The following RASSF6 variants were observed in gnomAD, a reference collection of about 807,000 sequenced individuals.
RASSF6 encodes ras association domain-containing protein 6.
In RASSF6, 52 loss-of-function variants were observed where a neutral mutation model predicts 44.0. That is an observed-to-expected ratio of 1.18 (90% confidence interval 0.95 to 1.49). RASSF6 has a LOEUF of 1.49. Ranked by LOEUF, RASSF6 falls within the 40% of genes most tolerant of loss-of-function variation. The probability of loss-of-function intolerance (pLI) is 0.00; values close to 1 mark genes in which losing one functional copy is unlikely to be tolerated. For synonymous variants in RASSF6, 162 were observed against 124.6 expected (o/e 1.30, Z -2.00); for missense variants, 464 against 393.3 (o/e 1.18, Z -1.52).
At chr4:73,586,915 A>G (rs1724138645) in intron 5 of RASSF6, among the ~76,000 whole-genome samples, 1 of 151,556 alleles carries the variant, frequency 6.6e-6, no homozygotes, top group East Asian at 1.9e-4. Flanking sequence ...TGATTTGAAA[A>G]AAAAAAAAAG....
Position 73,587,837 on chromosome 4 carries a change from G to A in RASSF6, c.382+3C>T, listed in dbSNP as rs1473496106. 1.3e-6 allele frequency: 2 copies of A among 1,590,128 alleles called. No homozygotes were observed. The highest frequency in any genetic ancestry group is 1.1e-5 in the South Asian group (1 of 90,186). ...TCCCAATCAATAAGATTTTGATACT[G>A]ACCTTCCTGGGAATTCCTTTTTTCA... On this transcript the variant is annotated splice_donor_region_variant and intron_variant, in intron 5 of 10. Transcript: ENST00000307439.
Position 73,575,727 on chromosome 4 carries a change from C to A in RASSF6, c.*508G>T, listed in dbSNP as rs1396774960. 3.3e-5 allele frequency: 5 copies of A among 152,160 alleles called. No individual in the cohort carries two copies. Among genetic ancestry groups the A allele is most frequent in the African/African-American group, 1.2e-4 (5 of 41,422 alleles). The allele number at this position is 152,160 out of a possible 1,614,324, so 9.4% of individuals were successfully genotyped here. On this transcript the variant is annotated 3_prime_UTR_variant, in exon 11 of 11. Coordinates refer to ENST00000307439, the MANE Select transcript of RASSF6 (RefSeq NM_177532.5). The stretch of plus-strand genomic sequence containing the variant: ...GATGTTACAGATAGTCAGAAGTCAA[C>A]AGGCCATTTAAGATAGTCCTAGATT...
At chr4:73,608,571 C>T (rs1178963130) in intron 2 of RASSF6, among the ~76,000 whole-genome samples, 3 of 152,122 alleles carry the variant, frequency 2.0e-5, no homozygotes, top group African/African-American at 7.2e-5. Flanking sequence ...TAAAAACAAT[C>T]CCCATGTGGA....
intron 4 of RASSF6, among the ~76,000 whole-genome samples, chr4:73,589,333 C>A (rs1410090045): frequency 6.6e-6 from 1 of 152,132 alleles, no homozygotes; most frequent in Non-Finnish European, 1.5e-5. Flanking sequence ...TTCCCCAAAT[C>A]TATAGCAGCT....
At chr4:73,607,249 G>A (rs1249368169) in intron 2 of RASSF6, among the ~76,000 whole-genome samples, 1 of 152,168 alleles carries the variant, frequency 6.6e-6, no homozygotes, top group African/African-American at 2.4e-5. Flanking sequence ...CCCCCACACC[G>A]TTATGGCAGG....
chr4:73,590,943 T>C (rs1724499066), intron 4 of RASSF6, among the ~76,000 whole-genome samples: 1 of 152,206 alleles, frequency 6.6e-6, no homozygotes, highest in African/African-American at 2.4e-5. Flanking sequence ...AGCAGGTGTA[T>C]CATGAGGATA....
chr4:73,584,663 C>G (rs1723933248), intron 6 of RASSF6, among the ~76,000 whole-genome samples: 1 of 152,120 alleles, frequency 6.6e-6, no homozygotes, highest in South Asian at 2.1e-4. Context: ...GTCCTTTGAT[C>G]CAACCACTTT....
At chr4:73,580,317 A>G (rs1257637681) in intron 8 of RASSF6, among the ~76,000 whole-genome samples, 7 of 150,524 alleles carry the variant, frequency 4.7e-5, no homozygotes, top group African/African-American at 1.5e-4. Flanking sequence ...ATTGTGAATA[A>G]TGCCGCAATA....
At chr4:73,591,854 G>A (rs550683669) in intron 4 of RASSF6, among the ~76,000 whole-genome samples, 116 of 152,134 alleles carry the variant, frequency 7.6e-4, no homozygotes, top group Middle Eastern at 6.8e-3. Context: ...TTGGGCACTG[G>A]GATGAATAAA....
At chr4:73,592,949 G>C (rs1724659746) in intron 4 of RASSF6, among the ~76,000 whole-genome samples, 1 of 151,882 alleles carries the variant, frequency 6.6e-6, no homozygotes, top group Non-Finnish European at 1.5e-5. Flanking sequence ...TCGTAATTGG[G>C]GATCTTGCAC....
chr4:73,579,026 C>A (rs1337675852), intron 8 of RASSF6, among the ~76,000 whole-genome samples: 1 of 152,090 alleles, frequency 6.6e-6, no homozygotes, highest in African/African-American at 2.4e-5. Context: ...ACCATATATA[C>A]CACATACTTA....
At chr4:73,607,447 G>C (rs1725717370) in intron 2 of RASSF6, among the ~76,000 whole-genome samples, 1 of 152,194 alleles carries the variant, frequency 6.6e-6, no homozygotes, top group Admixed American at 6.5e-5. Flanking sequence ...CCTGAACTTT[G>C]ATAGCTCCTT....
rs145675275 is a variant in RASSF6, at chr4:73,586,500, C to T, written c.383-1136G>A. ...GAAGATTCAAACCTGCCTTCTGCCC[C>T]CCTTTCTGCTTGTATACAATTGATA... On this transcript the variant is annotated intron_variant, in intron 5 of 10. Coordinates refer to ENST00000307439, the MANE Select transcript of RASSF6 (RefSeq NM_177532.5). Among the ~76,000 whole-genome samples the T allele has an allele frequency of 5.1e-3, 769 of 151,988 alleles. 11 individuals carry two copies. The highest frequency in any genetic ancestry group is 0.017 in the African/African-American group (708 of 41,476).
chr4:73,581,982 A>G lies in RASSF6; in HGVS notation c.670-114T>C, dbSNP rs557798733. 2.7e-5 allele frequency: 22 copies of G among 813,650 alleles called. No homozygotes were observed. In the Admixed American group the frequency reaches 5.1e-4, roughly 19 times the overall value. The allele number at this position is 813,650 out of a possible 1,614,324, so 50.4% of individuals were successfully genotyped here. On this transcript the variant is annotated intron_variant, in intron 7 of 10. Transcript: ENST00000307439. ...TCTCTTCCATTTTTCACTTTTAGAC[A>G]TAAAATCTTCTCTGCTCTTATGGGA... is the stretch of plus-strand genomic sequence containing the variant.
At chr4:73,577,586 C>A (rs72649113) in intron 8 of RASSF6, among the ~76,000 whole-genome samples, 1 of 152,098 alleles carries the variant, frequency 6.6e-6, no homozygotes. Flanking sequence ...AAAAGCCCAG[C>A]CTCCCCACAA....
In RASSF6 at chr4:73,571,709, A is replaced by G. The variant is rs1380857455; in HGVS notation, c.*4526T>C. On this transcript the variant is annotated 3_prime_UTR_variant, in exon 11 of 11. Coordinates refer to ENST00000307439, the MANE Select transcript of RASSF6 (RefSeq NM_177532.5). ...TTTATTCAATCAATTTTTATTGAGC[A>G]CATCCTACGCACAAGACACAATATT... The G allele has an allele frequency of 6.6e-6, 1 of 152,002 alleles. No homozygotes were observed. Among genetic ancestry groups the G allele is most frequent in the African/African-American group, 2.4e-5 (1 of 41,422 alleles). The allele number at this position is 152,002 out of a possible 1,614,324, so 9.4% of individuals were successfully genotyped here.
intron 6 of RASSF6, among the ~76,000 whole-genome samples, chr4:73,582,579 G>A (rs539390296): frequency 3.9e-4 from 60 of 152,158 alleles, no homozygotes; most frequent in African/African-American, 9.9e-4. Context: ...TTCAAAATAA[G>A]TAAGAAAGAA....
intron 7 of RASSF6, 64 bp from the exon 8 acceptor site, chr4:73,581,932 C>T (rs1723683937): frequency 1.6e-6 from 2 of 1,240,316 alleles, no homozygotes; most frequent in Non-Finnish European, 2.3e-6. Flanking sequence ...TCTAACCTGA[C>T]CAGACCCAAA....
At chr4:73,615,891 C>T (rs1726322931) in intron 1 of RASSF6, 1 of 1,550,294 alleles carries the variant, frequency 6.5e-7, no homozygotes, top group East Asian at 2.4e-5. Flanking sequence ...CTGGACTTAC[C>T]AGTTGCCTTG....
Sources: gnomAD v4.1 joint callset for allele counts (sites outside exome capture counted in the v4.1 genomes callset) on GRCh38, gnomAD v4.1.1 for gene constraint, MANE v1.5 for transcripts, NCBI Gene and HGNC (gene_info 2026-07-23, HGNC 2026-07-21) for gene names.